SECISBP2L: variants seen among roughly 807,000 people sequenced by gnomAD.
SECISBP2L encodes the protein selenocysteine insertion sequence-binding protein 2-like.
SECISBP2L carries 43 observed loss-of-function variants against 114.7 expected under a neutral mutation model. That is an observed-to-expected ratio of 0.38 (90% CI 0.29 to 0.48). The LOEUF (loss-of-function observed/expected upper bound fraction) is 0.48. Ranked by LOEUF, SECISBP2L falls within the 20% of genes least tolerant of loss-of-function variation. SECISBP2L has a pLI of 0.98. For missense variants in SECISBP2L, 1,136 were observed against 1,301.1 expected (o/e 0.87, Z 1.95); for synonymous variants, 451 against 439.7 (o/e 1.03, Z -0.32).
rs372867202 is a variant in SECISBP2L at position 49,025,450 on chromosome 15, G to C, written c.1035+1915C>G. ...CACATACACCTTATGCACATAGCCGGAAGGTAATTTCATACATTATTTTAA... is the reference window on the plus strand; with the variant it reads ...CACATACACCTTATGCACATAGCCGCAAGGTAATTTCATACATTATTTTAA... On this transcript the variant is annotated intron_variant, in intron 7 of 17. Coordinates refer to ENST00000559471, the MANE Select transcript of SECISBP2L (RefSeq NM_001193489.2). 2.6e-5 allele frequency among the ~76,000 whole-genome samples: 4 copies of C among 152,170 alleles called. No homozygotes were observed. The East Asian group carries it at 7.7e-4, about 29-fold the overall frequency.
intron 7 of SECISBP2L, 101 bp from the exon 8 acceptor site, chr15:49,019,653 ACT>A: frequency 2.1e-6 from 2 of 971,700 alleles, no homozygotes; most frequent in Non-Finnish European, 2.7e-6. Flanking sequence ...CAAGTGTACA[ACT>A]CAATAAATTT....
At position 48,995,240 on chromosome 15, in the gene SECISBP2L, G is replaced by A. The variant is rs528745249; in HGVS notation, c.2623+1127C>T. 3.9e-5 allele frequency among the ~76,000 whole-genome samples: 6 copies of A among 152,284 alleles called. No homozygotes were observed. The South Asian group carries it at 1.0e-3, about 26-fold the overall frequency. On this transcript the variant is annotated intron_variant, in intron 17 of 17. Transcript: ENST00000559471. ...ATGCGGCATTTCACTATATAGAGAG[G>A]ATCGTGCTCATTTACAATGTTAGCA...
intron 8 of SECISBP2L, 115 bp from the exon 9 acceptor site, chr15:49,017,743 T>A: frequency 1.5e-6 from 1 of 665,016 alleles, no homozygotes; most frequent in Admixed American, 3.6e-5. Context: ...ATTACTGAAT[T>A]ATTCAAAGTC....
chr15:49,020,870 T>C (rs1190821530), intron 7 of SECISBP2L, among the ~76,000 whole-genome samples: 2 of 152,112 alleles, frequency 1.3e-5, no homozygotes, highest in Admixed American at 6.5e-5. Flanking sequence ...ATAAAATAGA[T>C]AAAACAATTA....
chr15:49,012,604 T>A (rs1280187792), intron 12 of SECISBP2L, 44 bp downstream of exon 12: 12 of 1,589,950 alleles, frequency 7.5e-6, no homozygotes, highest in Non-Finnish European at 1.0e-5. Flanking sequence ...ATTAAAATCC[T>A]TATTCATCCT....
At chr15:49,032,917 G>T (rs1902923543) in intron 4 of SECISBP2L, 48 bp downstream of exon 4, 2 of 1,599,590 alleles carry the variant, frequency 1.3e-6, no homozygotes, top group Non-Finnish European at 1.7e-6. Flanking sequence ...GTGAATGAAT[G>T]AAAACAGATA....
intron 1 of SECISBP2L, among the ~76,000 whole-genome samples, chr15:49,039,576 T>C (rs1044178974): frequency 6.8e-6 from 1 of 147,872 alleles, no homozygotes; most frequent in Admixed American, 7.0e-5. Flanking sequence ...GGGGTGGAGG[T>C]GGAGGTGGGG....
intron 4 of SECISBP2L, among the ~76,000 whole-genome samples, chr15:49,029,228 A>C (rs550259010): frequency 6.6e-6 from 1 of 152,334 alleles, no homozygotes; most frequent in East Asian, 1.9e-4. Context: ...ACCATCAACC[A>C]TTTAGGAAAG....
At position 49,009,163 on chromosome 15, in the gene SECISBP2L, C is replaced by T. The variant is rs1902384263; in HGVS notation, c.2027+53G>A. The T allele has an allele frequency of 6.2e-5, 97 of 1,560,854 alleles. 1 individual carries two copies. In the South Asian group the frequency reaches 1.1e-3, roughly 18 times the overall value. On this transcript the variant is annotated intron_variant, in intron 14 of 17. Coordinates refer to ENST00000559471, the MANE Select transcript of SECISBP2L (RefSeq NM_001193489.2). ...AACAATGACAATACTAAATTCAGAA[C>T]TACAATCAAGATCCTTAAACTATTC...
chr15:48,999,315 C>T (rs1340295682), intron 16 of SECISBP2L, among the ~76,000 whole-genome samples: 1 of 86,552 alleles, frequency 1.2e-5, no homozygotes, highest in Non-Finnish European at 2.6e-5. Flanking sequence ...ATAACCATTA[C>T]ATTATCAGCT....
At chr15:48,994,959 A>T (rs975459430) in intron 17 of SECISBP2L, among the ~76,000 whole-genome samples, 8 of 152,164 alleles carry the variant, frequency 5.3e-5, no homozygotes, top group African/African-American at 1.7e-4. Flanking sequence ...TTAACATTTC[A>T]ACAGTTTTTT....
chr15:49,028,462 C>G lies in SECISBP2L; in HGVS notation c.885G>C (p.Gly295=). 6.2e-7 allele frequency: 1 copy of G among 1,613,980 alleles called. No individual in the cohort carries two copies. Among genetic ancestry groups the G allele is most frequent in the Non-Finnish European group, 8.5e-7 (1 of 1,179,888 alleles). Residue 295 remains glycine (G), a synonymous_variant, in exon 5 of 18, where the codon GGG becomes GGC. Coordinates refer to ENST00000559471, the MANE Select transcript of SECISBP2L (RefSeq NM_001193489.2). ...AAGALRNPDS[G]TMNHVESSMC... ...AGACGATGTCACATACATTCATGGT[C>G]CCAGAATCAGGATTTCTCAAAGCCC...
chr15:49,046,390 G>A lies in SECISBP2L; in HGVS notation c.-91C>T. ...TGGCCCCCCGCTCGGGTCCAGACTG[G>A]GTTCCGGACCTCCGCCCCTATCTGG... On this transcript the variant is annotated 5_prime_UTR_variant, in exon 1 of 18. Transcript: ENST00000559471. 2 of 1,320,664 alleles carry A rather than the reference G, an allele frequency of 1.5e-6. No homozygotes were observed. Among genetic ancestry groups the A allele is most frequent in the Non-Finnish European group, 2.0e-6 (2 of 1,010,190 alleles). 81.8% of individuals were successfully genotyped at this position (1,320,664 alleles called of 1,614,324 possible). A position where few individuals can be genotyped will look rare whatever the true frequency, so the allele number is the denominator to read the frequency against.
chr15:49,040,907 T>C (rs1259161889), intron 1 of SECISBP2L, among the ~76,000 whole-genome samples: 1 of 151,904 alleles, frequency 6.6e-6, no homozygotes, highest in Non-Finnish European at 1.5e-5. Context: ...AAATAACAAA[T>C]TCTGGCAGTG....
chr15:49,006,480 GATTT>G (rs990219016), intron 14 of SECISBP2L, among the ~76,000 whole-genome samples: 10 of 151,934 alleles, frequency 6.6e-5, no homozygotes, highest in African/African-American at 2.2e-4. Context: ...TTGTCTTCAC[GATTT>G]ATTTCATTAA....
At position 49,035,421 on chromosome 15, in the gene SECISBP2L, G is replaced by A. The variant is rs766840754; in HGVS notation, c.441C>T (p.Cys147=). ...ANTVNAITTE[C]TERPSQLGQV... Reference sequence around the variant, plus strand: ...GTCCAAGCTGACTTGGACGCTCAGTGCATTCTGTGGTGATAGCATTTACAG... The same window carrying A: ...GTCCAAGCTGACTTGGACGCTCAGTACATTCTGTGGTGATAGCATTTACAG... Residue 147 remains cysteine (C), a synonymous_variant, in exon 3 of 18, where the codon TGC becomes TGT. Coordinates refer to ENST00000559471, the MANE Select transcript of SECISBP2L (RefSeq NM_001193489.2). 6.2e-7 allele frequency: 1 copy of A among 1,614,200 alleles called. No homozygotes were observed. The highest frequency in any genetic ancestry group is 2.2e-5 in the East Asian group (1 of 44,890).
chr15:49,022,797 A>T (rs1377630654), intron 7 of SECISBP2L, among the ~76,000 whole-genome samples: 1 of 152,228 alleles, frequency 6.6e-6, no homozygotes, highest in Non-Finnish European at 1.5e-5. Flanking sequence ...TGAAGAAGAG[A>T]TCAACTTTTC....
chr15:49,011,728 T>A lies in SECISBP2L; in HGVS notation c.1864+3A>T, dbSNP rs1157662592. On this transcript the variant is annotated splice_donor_region_variant and intron_variant, in intron 13 of 17. Coordinates refer to ENST00000559471, the MANE Select transcript of SECISBP2L (RefSeq NM_001193489.2). ...AGAAGAGGAGAAAGGGGGAGCTCCT[T>A]ACCTTCCTGGGAAACAATCTCCTGT... The A allele has an allele frequency of 6.2e-7, 1 of 1,613,922 alleles. No homozygotes were observed. The highest frequency in any genetic ancestry group is 1.1e-5 in the South Asian group (1 of 91,062).
chr15:49,025,731 C>T (rs1902728289), intron 7 of SECISBP2L, among the ~76,000 whole-genome samples: 1 of 152,020 alleles, frequency 6.6e-6, no homozygotes, highest in Admixed American at 6.6e-5. Flanking sequence ...AAAAAAAATG[C>T]TGGTATGCTG....
Sources: gnomAD v4.1 joint callset for allele counts (sites outside exome capture counted in the v4.1 genomes callset) on GRCh38, gnomAD v4.1.1 for gene constraint, MANE v1.5 for transcripts, NCBI Gene and HGNC (gene_info 2026-07-23, HGNC 2026-07-21) for gene names.